The following TMEM120B variants were observed in gnomAD, a reference collection of about 807,000 sequenced individuals.
TMEM120B encodes the protein transmembrane protein 120B.
In TMEM120B, 31 loss-of-function variants were observed where a neutral mutation model predicts 55.5. The observed-to-expected ratio is 0.56, with a 90% confidence interval of 0.42 to 0.75. The LOEUF is 0.75. TMEM120B is among the 30% of genes least tolerant of loss of function. The probability of loss-of-function intolerance (pLI) is 0.00; values close to 1 mark genes in which losing one functional copy is unlikely to be tolerated. For missense variants in TMEM120B, 399 were observed against 425.5 expected (o/e 0.94, Z 0.55); for synonymous variants, 203 against 176.3 (o/e 1.15, Z -1.20).
chr12:121,765,422 G>T (rs1054434580), intron 6 of TMEM120B, among the ~76,000 whole-genome samples: 1 of 152,028 alleles, frequency 6.6e-6, no homozygotes, highest in Non-Finnish European at 1.5e-5. Flanking sequence ...GAGCCACTGT[G>T]CCCAGCCCCG....
At chr12:121,725,717 A>G (rs571487211) in intron 1 of TMEM120B, among the ~76,000 whole-genome samples, 14 of 152,144 alleles carry the variant, frequency 9.2e-5, no homozygotes, top group Non-Finnish European at 1.6e-4. Context: ...GTGTGATTCC[A>G]TTTATATGAA....
chr12:121,749,109 CG>C (rs138585224), intron 3 of TMEM120B, among the ~76,000 whole-genome samples: 3,162 of 152,234 alleles, frequency 0.021, 59 homozygotes, highest in Non-Finnish European at 0.031. Flanking sequence ...GAGTCAGAGC[CG>C]TGCATTAGGA....
intron 6 of TMEM120B, among the ~76,000 whole-genome samples, chr12:121,770,417 T>TG (rs1332716531): frequency 3.9e-5 from 6 of 152,088 alleles, no homozygotes; most frequent in African/African-American, 1.4e-4. Context: ...TCTAAGGTGC[T>TG]GGGGGGCTCA....
At chr12:121,724,383 A>G (rs1424747471) in intron 1 of TMEM120B, among the ~76,000 whole-genome samples, 1 of 151,992 alleles carries the variant, frequency 6.6e-6, no homozygotes, top group African/African-American at 2.4e-5. Context: ...CATGTTGGTC[A>G]GGCTGATCTC....
chr12:121,767,065 T>C (rs1233294783), intron 6 of TMEM120B, among the ~76,000 whole-genome samples: 3 of 152,198 alleles, frequency 2.0e-5, no homozygotes, highest in East Asian at 3.8e-4. Context: ...TTTCCAGATA[T>C]TGGGACATGC....
intron 6 of TMEM120B, among the ~76,000 whole-genome samples, chr12:121,766,122 T>C: frequency 6.6e-6 from 1 of 152,136 alleles, no homozygotes; most frequent in South Asian, 2.1e-4. Context: ...TGCCCTGTTT[T>C]GTCTGATGGA....
intron 1 of TMEM120B, 48 bp from the exon 2 acceptor site, chr12:121,743,581 C>A: frequency 4.4e-6 from 6 of 1,362,610 alleles, no homozygotes; most frequent in Non-Finnish European, 6.2e-6. Context: ...AGAAAATGAG[C>A]TGTTCATATT....
In TMEM120B at chr12:121,775,691, A is replaced by G; in HGVS notation, c.989A>G (p.Gln330Arg). 10 of 1,613,974 alleles carry G rather than the reference A, an allele frequency of 6.2e-6. No individual in the cohort carries two copies. Among genetic ancestry groups the G allele is most frequent in the Non-Finnish European group, 8.5e-6 (10 of 1,179,884 alleles). Residue 330 changes from glutamine to arginine, a missense_variant, in exon 12 of 12, where the codon CAG becomes CGG. Around this residue, in one of 3 missense-constraint regions of TMEM120B, gnomAD observed 260 missense variants for 303.9 expected, o/e 0.86. Coordinates refer to ENST00000449592, the MANE Select transcript of TMEM120B (RefSeq NM_001080825.2). The surrounding 1 kb of genome is among the most constrained non-coding windows in gnomAD (Gnocchi z 4.3). ...TTLKVVHAKLQKNRGKTKQP is the reference protein window; with the variant it reads ...TTLKVVHAKLRKNRGKTKQP Reference sequence around the variant, plus strand: ...CTCAAAGTCGTGCATGCCAAGCTCCAGAAGAACAGAGGCAAGACAAAGCAG... The same window carrying G: ...CTCAAAGTCGTGCATGCCAAGCTCCGGAAGAACAGAGGCAAGACAAAGCAG...
intron 4 of TMEM120B, 104 bp from the exon 5 acceptor site, chr12:121,752,024 T>C: frequency 1.1e-6 from 1 of 908,302 alleles, no homozygotes; most frequent in South Asian, 1.5e-5. Flanking sequence ...TTATGGGCCA[T>C]GGCAGTGGCT....
chr12:121,775,411 C>A lies in TMEM120B; in HGVS notation c.907-198C>A. ...ATCTGTGGATCCCAAGGAGGTTCGC[C>A]CCATCGAGCCCTTCCCAGGCCCTGC... is the stretch of plus-strand genomic sequence containing the variant. On this transcript the variant is annotated intron_variant, in intron 11 of 11. Transcript: ENST00000449592. This position sits in a 1 kb window ranked among gnomAD's most constrained non-coding sequence, Gnocchi z 4.3. The A allele has an allele frequency of 1.0e-6, 1 of 984,456 alleles. No individual in the cohort carries two copies. The highest frequency in any genetic ancestry group is 1.2e-6 in the Non-Finnish European group (1 of 829,134). 61.0% of individuals were successfully genotyped at this position (984,456 alleles called of 1,614,324 possible).
Position 121,775,690 on chromosome 12 carries a change from C to T in TMEM120B, c.988C>T (p.Gln330Ter). 1 of 1,614,072 alleles carries T rather than the reference C, an allele frequency of 6.2e-7. No homozygotes were observed. Among genetic ancestry groups the T allele is most frequent in the Non-Finnish European group, 8.5e-7 (1 of 1,179,988 alleles). The change falls in exon 12 of 12, where the codon CAG becomes TAG. Residue 330 changes from glutamine (Q) to a stop codon, truncating the protein, a stop_gained. Transcript: ENST00000449592. LOFTEE classifies it high-confidence loss of function. The surrounding 1 kb of genome is among the most constrained non-coding windows in gnomAD (Gnocchi z 4.3). ...TTLKVVHAKL[Q>*]KNRGKTKQP ...GCTCAAAGTCGTGCATGCCAAGCTC[C>T]AGAAGAACAGAGGCAAGACAAAGCA... is the stretch of plus-strand genomic sequence containing the variant.
intron 3 of TMEM120B, 113 bp downstream of exon 3, chr12:121,748,555 G>A: frequency 1.4e-6 from 1 of 721,608 alleles, no homozygotes; most frequent in East Asian, 2.9e-5. Flanking sequence ...GGGAAAGAGG[G>A]AAACAAGGGC....
chr12:121,726,886 C>T lies in TMEM120B; in HGVS notation c.69+13922C>T, dbSNP rs992177567. 7.7e-5 allele frequency among the ~76,000 whole-genome samples: 9 copies of T among 117,158 alleles called. No individual in the cohort carries two copies. The Admixed American group carries it at 1.1e-3, about 14-fold the overall frequency. 76.9% of individuals were successfully genotyped at this position (117,158 alleles called of 152,430 possible). A position where few individuals can be genotyped will look rare whatever the true frequency, so the allele number is the denominator to read the frequency against. Reference sequence around the variant, plus strand: ...TCTTGCCATTGCACTTCAGCCTGGGCAACAGAGTGGGACTCTGTCTCAAAA... The same window carrying T: ...TCTTGCCATTGCACTTCAGCCTGGGTAACAGAGTGGGACTCTGTCTCAAAA... On this transcript the variant is annotated intron_variant, in intron 1 of 11. Transcript: ENST00000449592.
chr12:121,738,353 A>C (rs547620729), intron 1 of TMEM120B, among the ~76,000 whole-genome samples: 1 of 152,234 alleles, frequency 6.6e-6, no homozygotes, highest in Non-Finnish European at 1.5e-5. Flanking sequence ...ATATTAATTG[A>C]AACAGATGAG....
At chr12:121,732,636 C>G (rs1184013227) in intron 1 of TMEM120B, among the ~76,000 whole-genome samples, 1 of 152,128 alleles carries the variant, frequency 6.6e-6, no homozygotes, top group East Asian at 1.9e-4. Context: ...GTGGGTGGGA[C>G]TATAAATTGG....
intron 6 of TMEM120B, among the ~76,000 whole-genome samples, chr12:121,770,152 C>G (rs1873990973): frequency 6.6e-6 from 1 of 152,166 alleles, no homozygotes; most frequent in African/African-American, 2.4e-5. Context: ...AGTGTATTTC[C>G]TCACAGTTTG....
At chr12:121,771,373 T>C in intron 7 of TMEM120B, 115 bp from the exon 8 acceptor site, 1 of 907,354 alleles carries the variant, frequency 1.1e-6, no homozygotes, top group Non-Finnish European at 1.8e-6. Flanking sequence ...AGTCTGGACC[T>C]CAGTTTGACT....
chr12:121,724,198 C>T (rs1894847551), intron 1 of TMEM120B, among the ~76,000 whole-genome samples: 1 of 151,974 alleles, frequency 6.6e-6, no homozygotes. Flanking sequence ...CCACCACACC[C>T]AGCTAATTTT....
intron 6 of TMEM120B, among the ~76,000 whole-genome samples, chr12:121,770,147 A>G (rs1220906705): frequency 6.6e-6 from 1 of 151,980 alleles, no homozygotes; most frequent in Non-Finnish European, 1.5e-5. Flanking sequence ...CACAGAGTGT[A>G]TTTCCTCACA....
Sources: gnomAD v4.1 joint callset for allele counts (sites outside exome capture counted in the v4.1 genomes callset) on GRCh38, gnomAD v4.1.1 for gene constraint, gnomAD v4.1.1 regional missense constraint, Gnocchi (gnomAD v3.1) non-coding constraint, MANE v1.5 for transcripts, NCBI Gene and HGNC (gene_info 2026-07-23, HGNC 2026-07-21) for gene names.